Variants in TMX1 observed in about 807,000 individuals in gnomAD.
The protein encoded by TMX1 is thioredoxin-related transmembrane protein 1.
In TMX1, 25 loss-of-function variants were observed where a neutral mutation model predicts 36.6. That is an observed-to-expected ratio of 0.68 (90% CI 0.50 to 0.95). The LOEUF (loss-of-function observed/expected upper bound fraction) is 0.95. Among genes scored for constraint, TMX1 ranks in the 40% least tolerant of loss-of-function variants. The pLI, the probability that TMX1 is intolerant of heterozygous loss-of-function variation, is 0.00. For synonymous variants in TMX1, 133 were observed against 118.0 expected (o/e 1.13, Z -0.82); for missense variants, 347 against 339.6 (o/e 1.02, Z -0.17).
At position 51,257,184 on chromosome 14, in the gene TMX1, AAC is replaced by A. The variant is rs1473497204; in HGVS notation, c.*2666_*2667del. 3 of 152,226 alleles carry A rather than the reference AAC, an allele frequency of 2.0e-5. No individual in the cohort carries two copies. Among genetic ancestry groups the A allele is most frequent in the African/African-American group, 7.2e-5 (3 of 41,462 alleles). 9.4% of individuals were successfully genotyped at this position (152,226 alleles called of 1,614,324 possible). A position where few individuals can be genotyped will look rare whatever the true frequency, so the allele number is the denominator to read the frequency against. ...GAGTGAATAAATGCTATTCATAAAT[AAC>A]CATAATTATTCAGTATTTGCAGTCT... On this transcript the variant is annotated 3_prime_UTR_variant, in exon 8 of 8. Transcript: ENST00000457354.
chr14:51,247,056 C>G (rs755092554), intron 3 of TMX1, 36 bp from the exon 4 acceptor site: 1 of 1,536,452 alleles, frequency 6.5e-7, no homozygotes, highest in Non-Finnish European at 8.8e-7. Context: ...AATTATTTCT[C>G]AGTGCTGGAT....
At chr14:51,252,632 A>T (rs1430192667) in intron 7 of TMX1, among the ~76,000 whole-genome samples, 1 of 152,240 alleles carries the variant, frequency 6.6e-6, no homozygotes, top group Non-Finnish European at 1.5e-5. Context: ...AACTGATATT[A>T]ATCCAGACTT....
intron 4 of TMX1, 55 bp downstream of exon 4, chr14:51,247,275 TTA>T: frequency 4.5e-6 from 7 of 1,565,354 alleles, no homozygotes; most frequent in Admixed American, 1.9e-5. Flanking sequence ...GAACAGATAA[TTA>T]TATTTTATGT....
At chr14:51,240,479 C>G (rs748452136) in intron 1 of TMX1, 35 bp downstream of exon 1, 8 of 1,600,996 alleles carry the variant, frequency 5.0e-6, no homozygotes, top group Non-Finnish European at 6.0e-6. Flanking sequence ...TACGTCCGTG[C>G]CTGGACACAC....
chr14:51,240,434 A>G lies in TMX1; in HGVS notation c.142A>G (p.Met48Val). 13 of 1,613,748 alleles carry G rather than the reference A, an allele frequency of 8.1e-6. No individual in the cohort carries two copies. The highest frequency in any genetic ancestry group is 1.1e-5 in the Non-Finnish European group (13 of 1,179,892). ...NWRELLEGDWMIEFYAPWCPA... is the reference protein window; with the variant it reads ...NWRELLEGDWVIEFYAPWCPA... ...GAGAGAACTGCTGGAAGGAGACTGGATGATAGAATTGTGAGTGCGGGGCGG... is the reference window on the plus strand; with the variant it reads ...GAGAGAACTGCTGGAAGGAGACTGGGTGATAGAATTGTGAGTGCGGGGCGG... Residue 48 changes from methionine (M) to valine (V), a missense_variant, in exon 1 of 8, where the codon ATG (methionine) becomes GTG (valine). Transcript: ENST00000457354.
intron 4 of TMX1, among the ~76,000 whole-genome samples, chr14:51,248,694 A>G (rs1405188237): frequency 1.3e-5 from 2 of 152,256 alleles, no homozygotes; most frequent in African/African-American, 2.4e-5. Context: ...AGCAGCTACA[A>G]TTGGGAACTC....
chr14:51,247,653 G>A (rs931250207), intron 4 of TMX1, among the ~76,000 whole-genome samples: 3 of 152,114 alleles, frequency 2.0e-5, no homozygotes, highest in South Asian at 2.1e-4. Context: ...CACTATGCAC[G>A]GCCTACATGT....
intron 3 of TMX1, chr14:51,245,607 G>C: frequency 1.2e-6 from 1 of 858,868 alleles, no homozygotes; most frequent in South Asian, 1.7e-5. Context: ...GAAATGGTGT[G>C]ATCCTGTTCA....
chr14:51,243,634 G>A (rs2065772294), intron 1 of TMX1, among the ~76,000 whole-genome samples: 1 of 152,124 alleles, frequency 6.6e-6, no homozygotes, highest in African/African-American at 2.4e-5. Flanking sequence ...CTTATTCTCA[G>A]AATTTTATTT....
Position 51,255,351 on chromosome 14 carries a change from T to A in TMX1, c.*832T>A, listed in dbSNP as rs2065833643. 1.3e-5 allele frequency: 2 copies of A among 151,910 alleles called. No individual in the cohort carries two copies. Among genetic ancestry groups the A allele is most frequent in the Non-Finnish European group, 2.9e-5 (2 of 67,868 alleles). The allele number at this position is 151,910 out of a possible 1,614,324, so 9.4% of individuals were successfully genotyped here. On this transcript the variant is annotated 3_prime_UTR_variant, in exon 8 of 8. Transcript: ENST00000457354. ...GTAATTTAAAATTTTGGCCACTTTT[T>A]TCAGATTTTACATCATTCTTGCTGA...
intron 1 of TMX1, among the ~76,000 whole-genome samples, chr14:51,241,893 G>A (rs1274714900): frequency 2.6e-5 from 4 of 152,232 alleles, no homozygotes; most frequent in Admixed American, 6.5e-5. Flanking sequence ...ACTTTGGGAG[G>A]CCGAGGCCGG....
At chr14:51,252,014 C>T (rs4271523) in intron 7 of TMX1, among the ~76,000 whole-genome samples, 143,281 of 152,020 alleles carry the variant, frequency 0.94, 67,632 homozygotes, top group East Asian at 1. Flanking sequence ...TGTGCAATAT[C>T]GTGGAATACG....
At chr14:51,243,714 G>A (rs190182174) in intron 1 of TMX1, 142 bp from the exon 2 acceptor site, 32 of 542,948 alleles carry the variant, frequency 5.9e-5, no homozygotes, top group African/African-American at 5.4e-4. Flanking sequence ...TTTTTCATCT[G>A]CATAAAATTA....
intron 7 of TMX1, among the ~76,000 whole-genome samples, chr14:51,252,605 T>G (rs1008796599): frequency 3.3e-5 from 5 of 152,208 alleles, no homozygotes; most frequent in African/African-American, 1.2e-4. Flanking sequence ...GTGTAATTTA[T>G]TTTTCTTTAG....
At chr14:51,245,480 T>C (rs547212214) in intron 3 of TMX1, 122 bp downstream of exon 3, 2 of 1,544,784 alleles carry the variant, frequency 1.3e-6, no homozygotes, top group African/African-American at 2.7e-5. Context: ...TCAGCAGGTA[T>C]TTTAGAGGGC....
Position 51,256,382 on chromosome 14 carries a change from G to A in TMX1, c.*1863G>A, listed in dbSNP as rs1418720898. The A allele has an allele frequency of 2.0e-5, 3 of 152,094 alleles. No individual in the cohort carries two copies. Among genetic ancestry groups the A allele is most frequent in the Non-Finnish European group, 4.4e-5 (3 of 67,992 alleles). 9.4% of individuals were successfully genotyped at this position (152,094 alleles called of 1,614,324 possible). A position where few individuals can be genotyped will look rare whatever the true frequency, so the allele number is the denominator to read the frequency against. ...ATGTAAAGTTGGCTGAACAGATAGGGTCTTGAAATTTCAGGAAACATATAA... is the reference window on the plus strand; with the variant it reads ...ATGTAAAGTTGGCTGAACAGATAGGATCTTGAAATTTCAGGAAACATATAA... On this transcript the variant is annotated 3_prime_UTR_variant, in exon 8 of 8. Transcript: ENST00000457354.
At chr14:51,241,697 A>G (rs1450100111) in intron 1 of TMX1, among the ~76,000 whole-genome samples, 1 of 152,234 alleles carries the variant, frequency 6.6e-6, no homozygotes, top group Non-Finnish European at 1.5e-5. Flanking sequence ...AATAAAAATG[A>G]AAAGACAACA....
intron 1 of TMX1, 70 bp from the exon 2 acceptor site, chr14:51,243,786 T>TA: frequency 9.7e-7 from 1 of 1,032,194 alleles, no homozygotes; most frequent in South Asian, 2.1e-5. Flanking sequence ...ACATTTAAAT[T>TA]TTTTATCCCA....
chr14:51,247,974 A>G (rs2139854869), intron 4 of TMX1, among the ~76,000 whole-genome samples: 1 of 152,366 alleles, frequency 6.6e-6, no homozygotes, highest in Admixed American at 6.5e-5. Context: ...CAACTAAATT[A>G]ATTACATAAA....
Sources: gnomAD v4.1 joint callset for allele counts (sites outside exome capture counted in the v4.1 genomes callset) on GRCh38, gnomAD v4.1.1 for gene constraint, MANE v1.5 for transcripts, NCBI Gene and HGNC (gene_info 2026-07-23, HGNC 2026-07-21) for gene names.